Variants in CCSER1 observed in about 807,000 individuals in gnomAD.
The protein encoded by CCSER1 is coiled-coil serine rich protein 1, also known as serine-rich coiled-coil domain-containing protein 1.
CCSER1 carries 41 observed loss-of-function variants against 82.0 expected under a neutral mutation model. The ratio of observed to expected loss-of-function variants is 0.50; its 90% CI spans 0.39 to 0.65. CCSER1 has a LOEUF of 0.65. Ranked by LOEUF, CCSER1 falls within the 30% of genes least tolerant of loss-of-function variation. The probability of loss-of-function intolerance (pLI) is 0.00; values close to 1 mark genes in which losing one functional copy is unlikely to be tolerated. For missense variants in CCSER1, 1,119 were observed against 1,064.2 expected, an observed-to-expected ratio of 1.05 and a Z score of -0.72; for synonymous variants, 414 against 383.9, an observed-to-expected ratio of 1.08 and a Z score of -0.92.
chr4:91,260,391 T>C (rs1229109315), intron 10 of CCSER1, among the ~76,000 whole-genome samples: 1 of 152,218 alleles, frequency 6.6e-6, no homozygotes, highest in Non-Finnish European at 1.5e-5. Flanking sequence ...ATCATACAAG[T>C]AATAACTACT....
intron 10 of CCSER1, among the ~76,000 whole-genome samples, chr4:91,525,732 T>C (rs1442442777): frequency 6.6e-6 from 1 of 152,130 alleles, no homozygotes. Flanking sequence ...AAGTACACTC[T>C]ACCCTCTTAC....
rs1735732445 is a variant in CCSER1 at position 90,313,956 on chromosome 4, TTATGA to T, written c.1509+913_1509+917del. ...TGAAAAATGCTCAAAAATAAATCAC[TTATGA>T]TATCTCTATTGTTTTACATAATTGG... is the stretch of plus-strand genomic sequence containing the variant. On this transcript the variant is annotated intron_variant, in intron 3 of 10. Coordinates refer to ENST00000509176, the MANE Select transcript of CCSER1 (RefSeq NM_001145065.2). Among the ~76,000 whole-genome samples, 3 of 152,358 alleles carry T rather than the reference TTATGA, an allele frequency of 2.0e-5. No individual in the cohort carries two copies. The South Asian group carries it at 6.2e-4, about 32-fold the overall frequency.
At chr4:91,132,214 G>A (rs939696372) in intron 10 of CCSER1, among the ~76,000 whole-genome samples, 4 of 152,060 alleles carry the variant, frequency 2.6e-5, no homozygotes, top group South Asian at 2.1e-4. Flanking sequence ...GTTTTTCATA[G>A]TTCAGATGAC....
chr4:90,758,686 A>G (rs1328431666), intron 7 of CCSER1, among the ~76,000 whole-genome samples: 1 of 152,190 alleles, frequency 6.6e-6, no homozygotes, highest in Non-Finnish European at 1.5e-5. Context: ...TGTTCAGATC[A>G]ACAGATATAT....
intron 5 of CCSER1, among the ~76,000 whole-genome samples, chr4:90,499,556 A>T (rs1769537527): frequency 6.6e-6 from 1 of 152,040 alleles, no homozygotes; most frequent in African/African-American, 2.4e-5. Flanking sequence ...ATATATATGA[A>T]TTACTCAATG....
At chr4:90,921,792 C>A (rs1581092632) in intron 8 of CCSER1, among the ~76,000 whole-genome samples, 1 of 152,086 alleles carries the variant, frequency 6.6e-6, no homozygotes, top group Admixed American at 6.6e-5. Flanking sequence ...CGATTTGCAA[C>A]AAAATTTACT....
intron 8 of CCSER1, among the ~76,000 whole-genome samples, chr4:90,831,816 T>C (rs1009642256): frequency 6.6e-6 from 1 of 152,182 alleles, no homozygotes; most frequent in African/African-American, 2.4e-5. Flanking sequence ...GAAAGTTATC[T>C]AATAAGAGAA....
At chr4:91,029,467 T>C (rs1436444917) in intron 9 of CCSER1, among the ~76,000 whole-genome samples, 8 of 152,054 alleles carry the variant, frequency 5.3e-5, no homozygotes, top group Admixed American at 4.6e-4. Flanking sequence ...TCAGTGAATT[T>C]ACTACATGCT....
At chr4:90,612,829 T>C (rs1720507364) in intron 5 of CCSER1, among the ~76,000 whole-genome samples, 2 of 152,132 alleles carry the variant, frequency 1.3e-5, no homozygotes, top group African/African-American at 4.8e-5. Flanking sequence ...CAGTCTCTTA[T>C]CAGACACCAG....
chr4:90,310,410 T>C (rs1735093522), intron 2 of CCSER1, among the ~76,000 whole-genome samples: 1 of 152,158 alleles, frequency 6.6e-6, no homozygotes, highest in Non-Finnish European at 1.5e-5. Flanking sequence ...TCATTAATGC[T>C]ACTACTGCTA....
intron 10 of CCSER1, among the ~76,000 whole-genome samples, chr4:91,199,849 C>T (rs1735761385): frequency 6.6e-6 from 1 of 151,554 alleles, no homozygotes; most frequent in Non-Finnish European, 1.5e-5. Context: ...AAAATCTGAA[C>T]ATGAAAAAGT....
chr4:91,482,861 G>A lies in CCSER1; in HGVS notation c.2218-115711G>A, dbSNP rs111686557. Reference sequence around the variant, plus strand: ...TCGCAAGGACAAAAAACCAAACACCGCATGTTCTCACTCATAGGTGGGAAT... The same window carrying A: ...TCGCAAGGACAAAAAACCAAACACCACATGTTCTCACTCATAGGTGGGAAT... On this transcript the variant is annotated intron_variant, in intron 10 of 10. Coordinates refer to ENST00000509176, the MANE Select transcript of CCSER1 (RefSeq NM_001145065.2). 9.8e-3 allele frequency among the ~76,000 whole-genome samples: 1,487 copies of A among 152,090 alleles called. 10 individuals are homozygous for A. Among genetic ancestry groups the A allele is most frequent in the Middle Eastern group, 0.02 (6 of 294 alleles).
chr4:90,958,800 T>C (rs1047633293), intron 9 of CCSER1, among the ~76,000 whole-genome samples: 11 of 152,122 alleles, frequency 7.2e-5, no homozygotes, highest in Non-Finnish European at 1.5e-4. Context: ...CCCTCCAGAA[T>C]TGTCAGAAAT....
intron 1 of CCSER1, among the ~76,000 whole-genome samples, chr4:90,242,763 C>T (rs1238528880): frequency 6.6e-6 from 1 of 152,086 alleles, no homozygotes; most frequent in South Asian, 2.1e-4. Context: ...TTTTACTGAT[C>T]GTTTCACTAA....
At chr4:90,258,208 T>C (rs1457688357) in intron 1 of CCSER1, among the ~76,000 whole-genome samples, 1 of 152,150 alleles carries the variant, frequency 6.6e-6, no homozygotes, top group East Asian at 1.9e-4. Flanking sequence ...AGAAAAATAA[T>C]TATTTACTCA....
chr4:90,227,965 G>C (rs182121580), intron 1 of CCSER1, among the ~76,000 whole-genome samples: 1 of 152,222 alleles, frequency 6.6e-6, no homozygotes, highest in African/African-American at 2.4e-5. Flanking sequence ...CTGGCTCGGA[G>C]GGTCCTACGC....
chr4:90,825,963 T>A (rs1357140076), intron 8 of CCSER1, among the ~76,000 whole-genome samples: 1 of 152,118 alleles, frequency 6.6e-6, no homozygotes, highest in Non-Finnish European at 1.5e-5. Context: ...GTGCTGGGAT[T>A]ACAGGCCTGA....
At chr4:91,596,851 G>A (rs1052777691) in intron 10 of CCSER1, among the ~76,000 whole-genome samples, 1 of 151,538 alleles carries the variant, frequency 6.6e-6, no homozygotes, top group Non-Finnish European at 1.5e-5. Flanking sequence ...AAGTAAAGAT[G>A]ACATCACAAA....
rs900830643 is a variant in CCSER1, at chr4:91,010,720, C to T, written c.2173-75230C>T. Among the ~76,000 whole-genome samples, 22 of 134,378 alleles carry T rather than the reference C, an allele frequency of 1.6e-4. 2 individuals carry two copies. Among genetic ancestry groups the T allele is most frequent in the African/African-American group, 5.0e-4 (20 of 40,386 alleles). 88.2% of individuals were successfully genotyped at this position (134,378 alleles called of 152,430 possible). On this transcript the variant is annotated intron_variant, in intron 9 of 10. Transcript: ENST00000509176. Reference sequence around the variant, plus strand: ...GTTGAAGCTCTATATTGTATTTTTTCATTTCACTTGTTGAATTCTTCACCT... The same window carrying T: ...GTTGAAGCTCTATATTGTATTTTTTTATTTCACTTGTTGAATTCTTCACCT...
Sources: gnomAD v4.1 joint callset for allele counts (sites outside exome capture counted in the v4.1 genomes callset) on GRCh38, gnomAD v4.1.1 for gene constraint, MANE v1.5 for transcripts, NCBI Gene and HGNC (gene_info 2026-07-23, HGNC 2026-07-21) for gene names.